The following DNAAF9 variants were observed in gnomAD, a reference collection of about 807,000 sequenced individuals.
The protein encoded by DNAAF9 is shulin.
DNAAF9 carries 90 observed loss-of-function variants against 167.0 expected under a neutral mutation model. The ratio of observed to expected loss-of-function variants is 0.54; its 90% CI spans 0.45 to 0.64. The LOEUF is 0.64. Ranked by LOEUF, DNAAF9 falls within the 30% of genes least tolerant of loss-of-function variation. DNAAF9 has a pLI of 0.00. For missense variants in DNAAF9, 1,315 were observed against 1,442.2 expected, an observed-to-expected ratio of 0.91 and a Z score of 1.43; for synonymous variants, 491 against 508.8, an observed-to-expected ratio of 0.96 and a Z score of 0.47.
At chr20:3,376,707 T>C (rs946901985) in intron 3 of DNAAF9, among the ~76,000 whole-genome samples, 2 of 152,208 alleles carry the variant, frequency 1.3e-5, no homozygotes, top group African/African-American at 2.4e-5. Context: ...TCGTGTCATA[T>C]AGGTGGATTC....
intron 22 of DNAAF9, among the ~76,000 whole-genome samples, chr20:3,297,289 G>A (rs1277027330): frequency 6.6e-6 from 1 of 152,180 alleles, no homozygotes; most frequent in Non-Finnish European, 1.5e-5. Context: ...AAGAAGCAGA[G>A]GGATGGCTGA....
intron 6 of DNAAF9, among the ~76,000 whole-genome samples, chr20:3,362,630 C>T (rs2083378720): frequency 6.6e-6 from 1 of 152,054 alleles, no homozygotes; most frequent in African/African-American, 2.4e-5. Flanking sequence ...GCATTGTAGG[C>T]CCTCATTAGC....
At chr20:3,369,380 CT>C (rs796134113) in intron 6 of DNAAF9, among the ~76,000 whole-genome samples, 10,710 of 144,852 alleles carry the variant, frequency 0.074, 417 homozygotes, top group Non-Finnish European at 0.084. Context: ...TTAAAGTTAA[CT>C]TTTTTTTTTT....
At chr20:3,298,886 A>G (rs529957207) in intron 21 of DNAAF9, among the ~76,000 whole-genome samples, 1 of 151,306 alleles carries the variant, frequency 6.6e-6, no homozygotes. Flanking sequence ...ATTTTCTTCA[A>G]AGAGTTTTAT....
chr20:3,255,280 G>T lies in DNAAF9; in HGVS notation c.3266C>A (p.Pro1089His), dbSNP rs1255945500. ...CCTGGTCTTCAGGGCTTTCCTCTGA[G>T]GCTTCTGCAGAGATGGGGAGTGGAG... ...DWLRQSAKQK[P>H]QRKALKTRGM... Residue 1089 changes from proline to histidine, a missense_variant, in exon 35 of 37, where the codon CCT becomes CAT. Physicochemically the swap from Pro to His is moderately conservative, Grantham distance 77 (BLOSUM62 -2). Transcript: ENST00000252032. 1.3e-6 allele frequency: 2 copies of T among 1,548,272 alleles called. No homozygotes were observed. The highest frequency in any genetic ancestry group is 2.7e-5 in the African/African-American group (2 of 73,044).
chr20:3,407,380 A>T, intron 1 of DNAAF9, 95 bp downstream of exon 1: 1 of 1,039,296 alleles, frequency 9.6e-7, no homozygotes, highest in Non-Finnish European at 1.2e-6. Flanking sequence ...CGAGGAAGCC[A>T]TGTCGGACCA....
rs145564691 is a variant in DNAAF9 at position 3,356,048 on chromosome 20, A to G, written c.690+3468T>C. ...TGAACTTTTATTTATTTTTTTAGAC[A>G]GAGTATCGCTCTGTTGCCCAGGCTG... is the stretch of plus-strand genomic sequence containing the variant. On this transcript the variant is annotated intron_variant, in intron 7 of 36. Coordinates refer to ENST00000252032, the MANE Select transcript of DNAAF9 (RefSeq NM_001009984.3). Among the ~76,000 whole-genome samples, 702 of 152,272 alleles carry G rather than the reference A, an allele frequency of 4.6e-3. 11 individuals are homozygous for G. The highest frequency in any genetic ancestry group is 7.1e-3 in the Non-Finnish European group (481 of 68,012).
At chr20:3,338,439 T>C (rs2070010145) in intron 10 of DNAAF9, among the ~76,000 whole-genome samples, 1 of 152,172 alleles carries the variant, frequency 6.6e-6, no homozygotes, top group Non-Finnish European at 1.5e-5. Flanking sequence ...TTGAATAGGA[T>C]AGGCCTACAC....
At chr20:3,259,602 C>G in intron 32 of DNAAF9, 48 bp from the exon 33 acceptor site, 1 of 1,297,432 alleles carries the variant, frequency 7.7e-7, no homozygotes, top group African/African-American at 1.5e-5. Context: ...AGGCACAGGC[C>G]AAATTCAGGA....
chr20:3,325,092 A>G (rs910401137), intron 13 of DNAAF9, 124 bp from the exon 14 acceptor site: 3 of 691,880 alleles, frequency 4.3e-6, no homozygotes, highest in Non-Finnish European at 7.9e-6. Flanking sequence ...TGTCCTTCCC[A>G]TCTATGTGAC....
chr20:3,345,734 T>C (rs1040211401), intron 8 of DNAAF9, among the ~76,000 whole-genome samples: 4 of 151,964 alleles, frequency 2.6e-5, no homozygotes, highest in Non-Finnish European at 5.9e-5. Context: ...AATGTTTGCA[T>C]GGCAAGAAAA....
chr20:3,315,718 A>T lies in DNAAF9; in HGVS notation c.1590+17T>A, dbSNP rs777607597. ...TTTTGATATAATGTTCACACTGAGA[A>T]TAAGAAGGCTGCTTACCCTCACTGC... On this transcript the variant is annotated intron_variant, in intron 19 of 36. Transcript: ENST00000252032. The surrounding 1 kb of genome is among the most constrained non-coding windows in gnomAD (Gnocchi z 4.1). The T allele has an allele frequency of 6.3e-7, 1 of 1,596,372 alleles. No individual in the cohort carries two copies. Among genetic ancestry groups the T allele is most frequent in the Non-Finnish European group, 8.6e-7 (1 of 1,163,842 alleles).
chr20:3,310,333 A>AGAAAG (rs1555790609), intron 20 of DNAAF9, among the ~76,000 whole-genome samples: 2 of 106,182 alleles, frequency 1.9e-5, no homozygotes, highest in East Asian at 5.6e-4. Context: ...AAGAGAAAGA[A>AGAAAG]AAAGAAAGAA....
chr20:3,354,514 G>T (rs1397695410), intron 7 of DNAAF9, among the ~76,000 whole-genome samples: 2 of 152,230 alleles, frequency 1.3e-5, no homozygotes, highest in African/African-American at 2.4e-5. Context: ...CCATCCTCAA[G>T]TTAGGCAAGG....
At chr20:3,395,702 C>T (rs1600924786) in intron 1 of DNAAF9, among the ~76,000 whole-genome samples, 3 of 152,290 alleles carry the variant, frequency 2.0e-5, no homozygotes, top group African/African-American at 7.2e-5. Flanking sequence ...TACTCAGGAA[C>T]ATGATTATGT....
At chr20:3,293,539 G>C (rs2069005233) in intron 25 of DNAAF9, among the ~76,000 whole-genome samples, 1 of 151,410 alleles carries the variant, frequency 6.6e-6, no homozygotes, top group African/African-American at 2.4e-5. Context: ...ACAAAAATTA[G>C]CCAGGCGTGG....
chr20:3,395,482 T>C (rs1295835753), intron 1 of DNAAF9, among the ~76,000 whole-genome samples: 2 of 151,980 alleles, frequency 1.3e-5, no homozygotes, highest in Non-Finnish European at 1.5e-5. Flanking sequence ...GGTTACACCA[T>C]GTTGGCCAGC....
intron 30 of DNAAF9, among the ~76,000 whole-genome samples, chr20:3,266,026 T>C (rs952731133): frequency 3.9e-5 from 6 of 152,164 alleles, no homozygotes; most frequent in African/African-American, 1.2e-4. Context: ...AGTTCCTCTA[T>C]CTTTTGGTTG....
chr20:3,325,900 T>G (rs1374273764), intron 13 of DNAAF9, among the ~76,000 whole-genome samples: 1 of 152,106 alleles, frequency 6.6e-6, no homozygotes, highest in African/African-American at 2.4e-5. Context: ...TTTTTTAGCT[T>G]TTAAAAGACT....
Sources: gnomAD v4.1 joint callset for allele counts (sites outside exome capture counted in the v4.1 genomes callset) on GRCh38, gnomAD v4.1.1 for gene constraint, Gnocchi (gnomAD v3.1) non-coding constraint, MANE v1.5 for transcripts, NCBI Gene and HGNC (gene_info 2026-07-23, HGNC 2026-07-21) for gene names.